The following HIRA variants were observed in gnomAD, a reference collection of about 807,000 sequenced individuals.
HIRA encodes the protein histone cell cycle regulator.
In HIRA, 13 loss-of-function variants were observed where a neutral mutation model predicts 126.6. The observed-to-expected ratio is 0.10, with a 90% CI of 0.07 to 0.16. The LOEUF is 0.16. Ranked by LOEUF, HIRA falls within the 10% of genes least tolerant of loss-of-function variation. The pLI, the probability that HIRA is intolerant of heterozygous loss-of-function variation, is 1.00. For synonymous variants in HIRA, 511 were observed against 520.0 expected (o/e 0.98, Z 0.24); for missense variants, 834 against 1,314.4 (o/e 0.63, Z 5.65).
At chr22:19,371,244 G>A (rs979093743) in intron 15 of HIRA, among the ~76,000 whole-genome samples, 1 of 151,732 alleles carries the variant, frequency 6.6e-6, no homozygotes, top group Non-Finnish European at 1.5e-5. Context: ...ACATCCTCCT[G>A]GGGGGACTCC....
chr22:19,420,040 TTGTG>T (rs59900884), intron 1 of HIRA, among the ~76,000 whole-genome samples: 7,649 of 147,248 alleles, frequency 0.052, 387 homozygotes, highest in East Asian at 0.2. Context: ...CATACAACCA[TTGTG>T]TGTGTGTGTG....
intron 18 of HIRA, 72 bp from the exon 19 acceptor site, chr22:19,357,123 TGGGCCTTCCCTCTGCCTGGGCCCAACAA>T: frequency 1.9e-6 from 3 of 1,556,944 alleles, no homozygotes; most frequent in Admixed American, 1.7e-5. Flanking sequence ...CCTGGAAGTG[TGGGCCTTCCCTCTGCCTGGGCCCAACAA>T]GGGCCTCCCC....
At chr22:19,394,141 G>C (rs910145133) in intron 8 of HIRA, among the ~76,000 whole-genome samples, 1 of 152,246 alleles carries the variant, frequency 6.6e-6, no homozygotes, top group African/African-American at 2.4e-5. Flanking sequence ...GTAAAAGGCT[G>C]ATGTGGAGCT....
chr22:19,403,483 G>A lies in HIRA; in HGVS notation c.397+2303C>T, dbSNP rs906649903. Among the ~76,000 whole-genome samples, 5 of 151,630 alleles carry A rather than the reference G, an allele frequency of 3.3e-5. No homozygotes were observed. In the East Asian group the frequency reaches 5.9e-4, roughly 18 times the overall value. ...AAAAAGTGGCCGGGTGTGGTGGCAC[G>A]TGCCTGTAGTCCCAGCTACTCAGGA... On this transcript the variant is annotated intron_variant, in intron 5 of 24. Coordinates refer to ENST00000263208, the MANE Select transcript of HIRA (RefSeq NM_003325.4).
Position 19,355,869 on chromosome 22 carries a change from A to C in HIRA, c.2456-4T>G, listed in dbSNP as rs782625906. ...TGTGATACCGTCATATCACTTCCTG[A>C]GGACAGCATGGGAATGAGTTCTGGG... On this transcript the variant is annotated splice_region_variant and splice_polypyrimidine_tract_variant and intron_variant, in intron 20 of 24. Transcript: ENST00000263208. The C allele has an allele frequency of 1.9e-6, 3 of 1,601,636 alleles. No homozygotes were observed. In the South Asian group the frequency reaches 3.3e-5, roughly 18 times the overall value.
intron 24 of HIRA, among the ~76,000 whole-genome samples, chr22:19,349,087 T>C (rs1372234952): frequency 6.7e-6 from 1 of 148,964 alleles, no homozygotes; most frequent in Non-Finnish European, 1.5e-5. Context: ...CCTGGCCTGA[T>C]ACTTGATTTT....
chr22:19,341,864 G>C (rs1556007623), intron 24 of HIRA, among the ~76,000 whole-genome samples: 1 of 152,184 alleles, frequency 6.6e-6, no homozygotes, highest in Non-Finnish European at 1.5e-5. Context: ...GATAACATCG[G>C]AAAAACTCTT....
At chr22:19,430,411 C>A (rs1201082933) in intron 1 of HIRA, 2 of 152,200 alleles carry the variant, frequency 1.3e-5, no homozygotes, top group African/African-American at 2.4e-5. Context: ...TAGAGAGCAT[C>A]CTGGGACCAA....
chr22:19,397,956 C>T, intron 6 of HIRA, 36 bp downstream of exon 6: 1 of 1,520,230 alleles, frequency 6.6e-7, no homozygotes, highest in Non-Finnish European at 9.1e-7. Flanking sequence ...ACAGGCAGTA[C>T]TGCTTGCTGT....
At position 19,407,097 on chromosome 22, in the gene HIRA, G is replaced by T; in HGVS notation, c.302+87C>A. The T allele has an allele frequency of 2.8e-6, 3 of 1,088,142 alleles. No individual in the cohort carries two copies. In the South Asian group the frequency reaches 3.8e-5, roughly 14 times the overall value. The allele number at this position is 1,088,142 out of a possible 1,614,324, so 67.4% of individuals were successfully genotyped here. A position where few individuals can be genotyped will look rare whatever the true frequency, so the allele number is the denominator to read the frequency against. On this transcript the variant is annotated intron_variant, in intron 4 of 24. Coordinates refer to ENST00000263208, the MANE Select transcript of HIRA (RefSeq NM_003325.4). ...TGAGGTCAGGGCTATGGGAACTTCA[G>T]TGACAGGGTAGGGAAAGGTGACTTT... is the stretch of plus-strand genomic sequence containing the variant.
At chr22:19,414,493 G>C (rs2089379261) in intron 1 of HIRA, among the ~76,000 whole-genome samples, 1 of 152,120 alleles carries the variant, frequency 6.6e-6, no homozygotes, top group Admixed American at 6.5e-5. Flanking sequence ...AAAGTCTCTG[G>C]GCTTTTATGT....
intron 24 of HIRA, 102 bp from the exon 25 acceptor site, chr22:19,331,658 G>A: frequency 9.1e-7 from 1 of 1,099,644 alleles, no homozygotes; most frequent in Non-Finnish European, 1.3e-6. Flanking sequence ...GCTCACGGGA[G>A]AAGGAAAGAA....
chr22:19,373,084 A>C (rs1193795480), intron 15 of HIRA, among the ~76,000 whole-genome samples: 1 of 152,222 alleles, frequency 6.6e-6, no homozygotes, highest in Non-Finnish European at 1.5e-5. Context: ...CATATCTAAG[A>C]AACAGTTGCC....
At chr22:19,338,860 A>G (rs1196028231) in intron 24 of HIRA, among the ~76,000 whole-genome samples, 1 of 152,236 alleles carries the variant, frequency 6.6e-6, no homozygotes, top group Non-Finnish European at 1.5e-5. Flanking sequence ...ACAGCAACAC[A>G]GTAACAGCGG....
At chr22:19,379,005 T>G (rs2089044305) in intron 13 of HIRA, among the ~76,000 whole-genome samples, 1 of 151,944 alleles carries the variant, frequency 6.6e-6, no homozygotes, top group South Asian at 2.1e-4. Flanking sequence ...CTTATTTTGA[T>G]ATGAGTGACG....
At chr22:19,414,936 C>CTTATTTATTTAT (rs138847743) in intron 1 of HIRA, among the ~76,000 whole-genome samples, 1,620 of 150,784 alleles carry the variant, frequency 0.011, 36 homozygotes, top group East Asian at 0.064. Flanking sequence ...ACAACACAAA[C>CTTATTTATTTAT]TTATTTATTT....
chr22:19,419,553 G>A (rs1351983487), intron 1 of HIRA, among the ~76,000 whole-genome samples: 1 of 152,024 alleles, frequency 6.6e-6, no homozygotes, highest in Admixed American at 6.6e-5. Context: ...TATTTCCTCG[G>A]GAATTTCTTA....
rs2089539116 is a variant in HIRA, at chr22:19,431,496, C to T, written c.-20G>A. ...CTTCATTGTTCGGCCGCCGCCGCCG[C>T]CGGGCTGAGGCGAGCGCCGGGTCCC... On this transcript the variant is annotated 5_prime_UTR_variant, in exon 1 of 25. Coordinates refer to ENST00000263208, the MANE Select transcript of HIRA (RefSeq NM_003325.4). 3 of 1,591,250 alleles carry T rather than the reference C, an allele frequency of 1.9e-6. No individual in the cohort carries two copies. Among genetic ancestry groups the T allele is most frequent in the Non-Finnish European group, 2.6e-6 (3 of 1,169,750 alleles).
intron 1 of HIRA, among the ~76,000 whole-genome samples, chr22:19,418,925 AAC>A (rs66479451): frequency 0.6 from 89,385 of 149,774 alleles, 26,540 homozygotes; most frequent in Middle Eastern, 0.65. Flanking sequence ...ATAAGAAATA[AAC>A]ACACACACAC....
Sources: allele counts gnomAD v4.1 joint callset (sites outside exome capture counted in the v4.1 genomes callset), GRCh38; gene constraint gnomAD v4.1.1; transcripts MANE v1.5; gene names NCBI Gene and HGNC (gene_info 2026-07-23, HGNC 2026-07-21).